The following BMP1 variants were observed in gnomAD, a reference collection of about 807,000 sequenced individuals.
The protein encoded by BMP1 is bone morphogenetic protein 1, also known as mammalian tolloid protein.
In BMP1, 63 loss-of-function variants were observed where a neutral mutation model predicts 116.8. The observed-to-expected ratio is 0.54, with a 90% confidence interval of 0.44 to 0.67. The LOEUF (loss-of-function observed/expected upper bound fraction) is 0.67. BMP1 is among the 30% of genes least tolerant of loss of function. The pLI, the probability that BMP1 is intolerant of heterozygous loss-of-function variation, is 0.00. For missense variants in BMP1, 1,183 were observed against 1,358.9 expected (o/e 0.87, Z 2.04); for synonymous variants, 536 against 533.4 (o/e 1.00, Z -0.07).
intron 1 of BMP1, among the ~76,000 whole-genome samples, chr8:22,166,319 C>A (rs182843331): frequency 6.6e-6 from 1 of 152,104 alleles, no homozygotes; most frequent in East Asian, 1.9e-4. Context: ...CTGTCACCCC[C>A]GAGACACCAG....
chr8:22,203,672 T>C (rs1829302552), intron 16 of BMP1, among the ~76,000 whole-genome samples: 1 of 152,152 alleles, frequency 6.6e-6, no homozygotes, highest in African/African-American at 2.4e-5. Context: ...CCTGGTTAGG[T>C]TGACAACCCA....
At chr8:22,176,683 G>T in intron 4 of BMP1, 33 bp downstream of exon 4, 1 of 1,606,352 alleles carries the variant, frequency 6.2e-7, no homozygotes, top group Non-Finnish European at 8.5e-7. Flanking sequence ...TGTACCTTCC[G>T]CCATTGCCCC....
At chr8:22,187,183 G>A (rs967369557) in intron 8 of BMP1, among the ~76,000 whole-genome samples, 8 of 151,820 alleles carry the variant, frequency 5.3e-5, no homozygotes, top group African/African-American at 1.9e-4. Context: ...TAAAGATGGG[G>A]TTTTGCCATG....
Position 22,207,390 on chromosome 8 carries a change from GTCCTCGGCCGCTTCTGTGGGA to G in BMP1, c.2450_2470del (p.Val817_Ser824delinsGly), listed in dbSNP as rs1563280723. 1.2e-6 allele frequency: 2 copies of G among 1,614,130 alleles called. No individual in the cohort carries two copies. Among genetic ancestry groups the G allele is most frequent in the Non-Finnish European group, 1.7e-6 (2 of 1,180,018 alleles). On this transcript the variant is annotated inframe_deletion, in exon 18 of 20. Coordinates refer to ENST00000306385, the MANE Select transcript of BMP1 (RefSeq NM_006129.5). ...CGACGGGCGAGACGCCAAGGCCCCC[GTCCTCGGCCGCTTCTGTGGGA>G]GCAAGAAGCCCGAGCCCGTCCTGGC... is the stretch of plus-strand genomic sequence containing the variant.
At chr8:22,195,014 A>T in intron 12 of BMP1, 95 bp downstream of exon 12, 5 of 1,343,766 alleles carry the variant, frequency 3.7e-6, no homozygotes, top group Non-Finnish European at 5.1e-6. Context: ...CAGGAGGCAT[A>T]TTGATACCAG....
chr8:22,177,496 C>A, intron 5 of BMP1: 1 of 707,912 alleles, frequency 1.4e-6, no homozygotes, highest in Non-Finnish European at 2.6e-6. Context: ...CCTGGTCTGC[C>A]CTCCGAGGGC....
In BMP1 at chr8:22,211,868, G is replaced by A. The variant is rs1365842250; in HGVS notation, c.*140G>A. 7.6e-7 allele frequency: 1 copy of A among 1,312,586 alleles called. No individual in the cohort carries two copies. The highest frequency in any genetic ancestry group is 1.0e-6 in the Non-Finnish European group (1 of 959,098). 81.3% of individuals were successfully genotyped at this position (1,312,586 alleles called of 1,614,324 possible). On this transcript the variant is annotated 3_prime_UTR_variant, in exon 20 of 20. Coordinates refer to ENST00000306385, the MANE Select transcript of BMP1 (RefSeq NM_006129.5). ...GCAGGGCCAATGGCCTGGTGAGACT[G>A]TCCATAGGAGGTGGGGGAACTGGAC...
intron 17 of BMP1, 147 bp downstream of exon 17, chr8:22,207,128 A>C: frequency 1.4e-6 from 2 of 1,428,070 alleles, no homozygotes; most frequent in Non-Finnish European, 9.5e-7. Context: ...CCCCTTTCCC[A>C]GTATAAATTA....
Position 22,211,705 on chromosome 8 carries a change from GAC to G in BMP1, c.2943_2944del (p.Leu982ProfsTer9). On this transcript the variant is annotated frameshift_variant, in exon 20 of 20. Coordinates refer to ENST00000306385, the MANE Select transcript of BMP1 (RefSeq NM_006129.5). LOFTEE classifies it high-confidence loss of function. ...GCGATACACCAGCACCAAGTTCCAG[GAC>G]ACACTCCACAGCAGGAAGTGACCAC... Reference protein sequence around the residue: ...HLRYTSTKFQDTLHSRK With the variant: ...HLRYTSTKFQXTLHSRK 6.2e-7 allele frequency: 1 copy of G among 1,614,176 alleles called. No individual in the cohort carries two copies. Among genetic ancestry groups the G allele is most frequent in the Non-Finnish European group, 8.5e-7 (1 of 1,180,032 alleles).
chr8:22,188,053 C>T (rs1828826071), intron 8 of BMP1, among the ~76,000 whole-genome samples: 1 of 152,230 alleles, frequency 6.6e-6, no homozygotes, highest in Admixed American at 6.5e-5. Flanking sequence ...TCTCCCCTGC[C>T]AGCATGCAGC....
At chr8:22,202,455 C>T (rs189877262) in intron 16 of BMP1, among the ~76,000 whole-genome samples, 1 of 152,352 alleles carries the variant, frequency 6.6e-6, no homozygotes, top group African/African-American at 2.4e-5. Flanking sequence ...ACCGCAAGCA[C>T]AATGGCATCT....
chr8:22,180,593 C>A lies in BMP1; in HGVS notation c.1077+110C>A, dbSNP rs1440247933. The stretch of plus-strand genomic sequence containing the variant: ...TGGGTGCCAGCGACCTACCTGGCTA[C>A]CGTAAATGTATCAAGTCCAGAGCGC... On this transcript the variant is annotated intron_variant, in intron 8 of 19. Coordinates refer to ENST00000306385, the MANE Select transcript of BMP1 (RefSeq NM_006129.5). The A allele has an allele frequency of 6.2e-6, 6 of 970,762 alleles. No homozygotes were observed. The East Asian group carries it at 1.2e-4, about 20-fold the overall frequency. 60.1% of individuals were successfully genotyped at this position (970,762 alleles called of 1,614,324 possible).
In BMP1 at chr8:22,194,092, C is replaced by T; in HGVS notation, c.1215C>T (p.Ile405=). The T allele has an allele frequency of 6.2e-7, 1 of 1,614,214 alleles. No individual in the cohort carries two copies. Among genetic ancestry groups the T allele is most frequent in the Non-Finnish European group, 8.5e-7 (1 of 1,180,044 alleles). ...GCGGGTCCAAACTCCCTGAGCCTATCGTCTCCACTGACAGCCGCCTCTGGG... is the reference window on the plus strand; with the variant it reads ...GCGGGTCCAAACTCCCTGAGCCTATTGTCTCCACTGACAGCCGCCTCTGGG... ...RFCGSKLPEP[I]VSTDSRLWVE... is the part of the protein sequence containing the mutation. Residue 405 remains isoleucine, a synonymous_variant, in exon 10 of 20, where the codon ATC becomes ATT. Transcript: ENST00000306385. This position sits in a 1 kb window ranked among gnomAD's most constrained non-coding sequence, Gnocchi z 4.5.
At chr8:22,204,932 C>G (rs11776960) in intron 16 of BMP1, among the ~76,000 whole-genome samples, 4 of 152,046 alleles carry the variant, frequency 2.6e-5, no homozygotes, top group Non-Finnish European at 5.9e-5. Flanking sequence ...GTGAAGGTTC[C>G]GAGGCTGCAG....
chr8:22,166,547 T>C (rs1248045837), intron 1 of BMP1, among the ~76,000 whole-genome samples: 2 of 152,224 alleles, frequency 1.3e-5, no homozygotes, highest in Admixed American at 6.5e-5. Context: ...ATATCAGAAC[T>C]TTTCCTTGAC....
At chr8:22,180,556 T>TG in intron 8 of BMP1, 73 bp downstream of exon 8, 3 of 1,399,832 alleles carry the variant, frequency 2.1e-6, no homozygotes, top group Non-Finnish European at 2.0e-6. Context: ...TCTCCCACAG[T>TG]GGGGGTCAAT....
intron 16 of BMP1, among the ~76,000 whole-genome samples, chr8:22,206,511 AAAAAG>A (rs1270741083): frequency 7.3e-5 from 11 of 150,570 alleles, no homozygotes; most frequent in African/African-American, 9.8e-5. Context: ...CAAAAAAAAA[AAAAAG>A]AAAGAAAGAA....
chr8:22,180,050 TGTAGGG>T (rs1828568663), intron 7 of BMP1, among the ~76,000 whole-genome samples: 1 of 152,056 alleles, frequency 6.6e-6, no homozygotes, highest in Non-Finnish European at 1.5e-5. Flanking sequence ...TCTGAGGGTC[TGTAGGG>T]GCGGAAGTGG....
rs1325305293 is a variant in BMP1 at position 22,212,238 on chromosome 8, G to C, written c.*510G>C. On this transcript the variant is annotated 3_prime_UTR_variant, in exon 20 of 20. Coordinates refer to ENST00000306385, the MANE Select transcript of BMP1 (RefSeq NM_006129.5). ...GTGGGGAGCCGATGGGGAGGGGATG[G>C]AGAAACAAGACAGGGCTTCTCTCAG... The C allele has an allele frequency of 6.1e-6, 1 of 162,932 alleles. No individual in the cohort carries two copies. The highest frequency in any genetic ancestry group is 1.7e-4 in the East Asian group (1 of 6,054). The allele number at this position is 162,932 out of a possible 1,614,324, so 10.1% of individuals were successfully genotyped here. A position where few individuals can be genotyped will look rare whatever the true frequency, so the allele number is the denominator to read the frequency against.
Sources: allele counts gnomAD v4.1 joint callset (sites outside exome capture counted in the v4.1 genomes callset), GRCh38; gene constraint gnomAD v4.1.1; non-coding constraint Gnocchi (gnomAD v3.1); transcripts MANE v1.5; gene names NCBI Gene and HGNC (gene_info 2026-07-23, HGNC 2026-07-21).